ACER3: variants seen among roughly 807,000 people sequenced by gnomAD.
ACER3 encodes alkaline ceramidase 3.
Under a neutral mutation model 48.9 loss-of-function variants are expected in ACER3, and 16 were observed. The ratio of observed to expected loss-of-function variants is 0.33; its 90% CI spans 0.22 to 0.50. The LOEUF (loss-of-function observed/expected upper bound fraction) is 0.50. ACER3 is among the 20% of genes least tolerant of loss of function. The probability of loss-of-function intolerance (pLI) is 0.98; values close to 1 mark genes in which losing one functional copy is unlikely to be tolerated. For missense variants in ACER3, 227 were observed against 326.0 expected (o/e 0.70, Z 2.34); for synonymous variants, 109 against 107.8 (o/e 1.01, Z -0.07).
At chr11:76,900,865 T>C (rs2134667295) in intron 1 of ACER3, among the ~76,000 whole-genome samples, 1 of 152,362 alleles carries the variant, frequency 6.6e-6, no homozygotes, top group African/African-American at 2.4e-5. Context: ...CTTGAAACCC[T>C]TCACCCTCTA....
At chr11:76,970,572 T>C (rs1044667334) in intron 3 of ACER3, among the ~76,000 whole-genome samples, 2 of 152,142 alleles carry the variant, frequency 1.3e-5, no homozygotes, top group Admixed American at 6.6e-5. Flanking sequence ...ATTTATGATA[T>C]TATTGAGACA....
At chr11:76,893,025 C>T (rs1048658226) in intron 1 of ACER3, among the ~76,000 whole-genome samples, 3 of 152,064 alleles carry the variant, frequency 2.0e-5, no homozygotes, top group African/African-American at 7.2e-5. Flanking sequence ...AGTGAACTAG[C>T]TTGAAAATAA....
At chr11:76,886,472 T>C (rs1041140836) in intron 1 of ACER3, among the ~76,000 whole-genome samples, 1 of 152,236 alleles carries the variant, frequency 6.6e-6, no homozygotes, top group African/African-American at 2.4e-5. Context: ...CCATTGACAG[T>C]ATAACACTTA....
At chr11:77,005,992 T>TACG (rs1491403985) in intron 7 of ACER3, among the ~76,000 whole-genome samples, 2 of 70,588 alleles carry the variant, frequency 2.8e-5, no homozygotes, top group African/African-American at 1.1e-4. Context: ...TATATATATA[T>TACG]TTTTTTTTTT....
At chr11:76,930,433 T>C (rs1275966155) in intron 2 of ACER3, among the ~76,000 whole-genome samples, 1 of 152,162 alleles carries the variant, frequency 6.6e-6, no homozygotes, top group Non-Finnish European at 1.5e-5. Context: ...GATTCTTTGA[T>C]TTTTTGAAGG....
chr11:76,980,068 G>C (rs779718623), intron 4 of ACER3, among the ~76,000 whole-genome samples: 2 of 152,042 alleles, frequency 1.3e-5, no homozygotes, highest in Non-Finnish European at 2.9e-5. Flanking sequence ...GGCCCTGGAG[G>C]TTGAGGCTGC....
At chr11:76,888,156 A>G (rs1465264504) in intron 1 of ACER3, among the ~76,000 whole-genome samples, 1 of 152,162 alleles carries the variant, frequency 6.6e-6, no homozygotes, top group Non-Finnish European at 1.5e-5. Context: ...TATGTATGGT[A>G]AGCATGCTGT....
chr11:77,013,380 TA>T (rs1320876298), intron 7 of ACER3, among the ~76,000 whole-genome samples: 1 of 152,048 alleles, frequency 6.6e-6, no homozygotes, highest in Non-Finnish European at 1.5e-5. Flanking sequence ...TACCTACATG[TA>T]AAATATAGAA....
intron 4 of ACER3, among the ~76,000 whole-genome samples, chr11:76,985,213 C>T (rs981258861): frequency 6.6e-6 from 1 of 152,150 alleles, no homozygotes; most frequent in African/African-American, 2.4e-5. Context: ...AAGCTCTCCT[C>T]CCACCTTAGC....
intron 7 of ACER3, among the ~76,000 whole-genome samples, chr11:77,005,843 G>A (rs1331282226): frequency 6.7e-6 from 1 of 150,272 alleles, no homozygotes; most frequent in African/African-American, 2.4e-5. Context: ...CATTCTGAGT[G>A]AGGTACTAGA....
At chr11:76,879,266 G>T (rs948714001) in intron 1 of ACER3, among the ~76,000 whole-genome samples, 16 of 151,998 alleles carry the variant, frequency 1.1e-4, no homozygotes, top group Admixed American at 8.5e-4. Context: ...TTTATATTCA[G>T]GTCTATATCC....
chr11:76,948,215 G>GTA (rs71043516), intron 2 of ACER3, among the ~76,000 whole-genome samples: 5,723 of 53,118 alleles, frequency 0.11, 192 homozygotes, highest in Middle Eastern at 0.16. Context: ...CTCACTCTGT[G>GTA]TGTGTGTGTG....
intron 7 of ACER3, among the ~76,000 whole-genome samples, chr11:77,012,887 A>G (rs1949298605): frequency 6.6e-6 from 1 of 152,208 alleles, no homozygotes; most frequent in East Asian, 1.9e-4. Flanking sequence ...GACTTACTCT[A>G]TGCTGCTACT....
chr11:76,954,009 G>A (rs1009517189), intron 2 of ACER3, among the ~76,000 whole-genome samples: 6 of 149,068 alleles, frequency 4.0e-5, no homozygotes, highest in East Asian at 4.0e-4. Flanking sequence ...GTGCAATGGC[G>A]CAATCTTGGC....
At chr11:76,923,593 A>G (rs983504282) in intron 1 of ACER3, among the ~76,000 whole-genome samples, 2 of 152,188 alleles carry the variant, frequency 1.3e-5, no homozygotes, top group Non-Finnish European at 2.9e-5. Flanking sequence ...CTTTTGTATT[A>G]GTATAAATAG....
intron 10 of ACER3, 91 bp from the exon 11 acceptor site, chr11:77,020,183 A>G (rs1174278156): frequency 2.9e-5 from 39 of 1,365,368 alleles, no homozygotes; most frequent in Non-Finnish European, 3.6e-5. Flanking sequence ...ACGTATAGTC[A>G]TAGCCCCATG....
chr11:76,934,990 A>G (rs371815057), intron 2 of ACER3, among the ~76,000 whole-genome samples: 3 of 151,342 alleles, frequency 2.0e-5, no homozygotes, highest in East Asian at 3.9e-4. Context: ...AGTTGCCTCA[A>G]ACAAAGAAAT....
chr11:76,905,976 G>T (rs1314112671), intron 1 of ACER3, among the ~76,000 whole-genome samples: 1 of 152,208 alleles, frequency 6.6e-6, no homozygotes, highest in African/African-American at 2.4e-5. Flanking sequence ...ACAGATGGTT[G>T]ACTTTTGAAA....
rs1949513519 is a variant in ACER3 at position 77,024,119 on chromosome 11, A to C, written c.*3792A>C. ...AAAAAAAAGACTAAAATTTGATTTA[A>C]AGTAGTTAAACCCCTTTATGGAAGG... On this transcript the variant is annotated 3_prime_UTR_variant, in exon 11 of 11. Transcript: ENST00000532485. The C allele has an allele frequency of 6.8e-6, 1 of 147,338 alleles. No individual in the cohort carries two copies. 9.1% of individuals were successfully genotyped at this position (147,338 alleles called of 1,614,324 possible).
Sources: allele counts gnomAD v4.1 joint callset (sites outside exome capture counted in the v4.1 genomes callset), GRCh38; gene constraint gnomAD v4.1.1; transcripts MANE v1.5; gene names NCBI Gene and HGNC (gene_info 2026-07-23, HGNC 2026-07-21).